CEP164: variants seen among roughly 807,000 people sequenced by gnomAD.
The protein encoded by CEP164 is centrosomal protein 164, also known as centrosomal protein of 164 kDa.
In CEP164, 162 loss-of-function variants were observed where a neutral mutation model predicts 182.7. That is an observed-to-expected ratio of 0.89 (90% CI 0.78 to 1.01). CEP164 has a LOEUF of 1.01. Ranked by LOEUF, CEP164 falls within the 50% of genes least tolerant of loss-of-function variation. The pLI is 0.00. For missense variants in CEP164, 1,735 were observed against 1,790.4 expected, an observed-to-expected ratio of 0.97 and a Z score of 0.56; for synonymous variants, 661 against 690.0, an observed-to-expected ratio of 0.96 and a Z score of 0.66.
intron 27 of CEP164, among the ~76,000 whole-genome samples, chr11:117,406,869 G>A (rs868415756): frequency 6.6e-6 from 1 of 152,254 alleles, no homozygotes; most frequent in South Asian, 2.1e-4. Flanking sequence ...GCCGGGGCGG[G>A]TGGATCACGA....
chr11:117,387,125 C>A, intron 14 of CEP164, 78 bp from the exon 15 acceptor site: 1 of 1,278,550 alleles, frequency 7.8e-7, no homozygotes. Context: ...CTGTGATGTT[C>A]CGTATCCATT....
intron 14 of CEP164, chr11:117,386,931 C>A: frequency 2.4e-6 from 1 of 418,694 alleles, no homozygotes; most frequent in Non-Finnish European, 4.3e-6. Context: ...AGATTTTGAT[C>A]TTGGGCCATA....
In CEP164 at chr11:117,395,597, C is replaced by T; in HGVS notation, c.2964C>T (p.Thr988=). 6.2e-7 allele frequency: 1 copy of T among 1,613,882 alleles called. No individual in the cohort carries two copies. The highest frequency in any genetic ancestry group is 8.5e-7 in the Non-Finnish European group (1 of 1,179,958). The change falls in exon 24 of 33, where the codon ACC becomes ACT. Residue 988 remains threonine, a synonymous_variant. Transcript: ENST00000278935. ...QQLEEAQKEH[T]HLLQSNQQLR... ...TGGAGGAGGCACAGAAGGAGCACAC[C>T]CACCTGTTGCAGTCAAACCAGCAGC...
At position 117,361,776 on chromosome 11, in the gene CEP164, C is replaced by T. The variant is rs2305825; in HGVS notation, c.394-59C>T. The T allele has an allele frequency of 0.2, 320,031 of 1,581,100 alleles. 33,570 individuals carry two copies. The highest frequency in any genetic ancestry group is 0.28 in the Admixed American group (16,906 of 59,638). On this transcript the variant is annotated intron_variant, in intron 5 of 32. Transcript: ENST00000278935. ...GATGTTTTATTTTTATATCTGTCTC[C>T]GACACTCCCAGAGCCACCTGGTTTC...
At chr11:117,395,425 C>A in intron 23 of CEP164, 122 bp from the exon 24 acceptor site, 1 of 1,174,210 alleles carries the variant, frequency 8.5e-7, no homozygotes, top group Non-Finnish European at 1.2e-6. Context: ...GTGGTGACTT[C>A]AGTGGCTCTG....
In CEP164 at chr11:117,329,782, C is replaced by T. The variant is rs543589272; in HGVS notation, c.-98+1878C>T. On this transcript the variant is annotated intron_variant, in intron 1 of 32. Coordinates refer to ENST00000278935, the MANE Select transcript of CEP164 (RefSeq NM_014956.5). ...GTCAGGATCTCCTGACCTCATTATC[C>T]GCCCACCTCCGCCTCCCAAAGTGCT... Among the ~76,000 whole-genome samples the T allele has an allele frequency of 5.1e-4, 78 of 151,524 alleles. 2 individuals are homozygous for T. The highest frequency in any genetic ancestry group is 1.7e-3 in the African/African-American group (69 of 41,280).
In CEP164 at chr11:117,391,087, A is replaced by T; in HGVS notation, c.2155A>T (p.Arg719Trp). The T allele has an allele frequency of 6.2e-7, 1 of 1,614,140 alleles. No homozygotes were observed. Among genetic ancestry groups the T allele is most frequent in the Non-Finnish European group, 8.5e-7 (1 of 1,180,038 alleles). Residue 719 changes from arginine (R) to tryptophan (W), a missense_variant, in exon 17 of 33, where the codon AGG (arginine) becomes TGG (tryptophan). Coordinates refer to ENST00000278935, the MANE Select transcript of CEP164 (RefSeq NM_014956.5). ...AERASLEQKN[R>W]QMLEQLKEEI... The stretch of plus-strand genomic sequence containing the variant: ...GAGGGCCAGCTTGGAACAGAAAAAT[A>T]GGCAAATGCTGGAGCAGCTCAAGGA...
At chr11:117,322,917 C>T (rs2035306275), upstream of CEP164, among the ~76,000 whole-genome samples, 1 of 151,978 alleles carries the variant, frequency 6.6e-6, no homozygotes, top group African/African-American at 2.4e-5. Flanking sequence ...AGGCTCACGC[C>T]ACCATGCCCA....
At chr11:117,387,551 A>G (rs1050130391) in intron 15 of CEP164, 139 bp downstream of exon 15, 15 of 744,070 alleles carry the variant, frequency 2.0e-5, no homozygotes, top group Non-Finnish European at 3.3e-5. Flanking sequence ...TTGACCCAAC[A>G]ATTTCTGCTT....
rs2047099545 is a variant in CEP164 at position 117,409,636 on chromosome 11, T to C, written c.3767T>C (p.Leu1256Pro). The C allele has an allele frequency of 6.2e-7, 1 of 1,608,308 alleles. No homozygotes were observed. Among genetic ancestry groups the C allele is most frequent in the African/African-American group, 1.3e-5 (1 of 74,746 alleles). Residue 1256 changes from leucine (L) to proline (P), a missense_variant, in exon 30 of 33, where the codon CTC (leucine) becomes CCC (proline). By Grantham distance (98) the Leu-to-Pro change is moderately conservative. Transcript: ENST00000278935. The surrounding 1 kb of genome is among the most constrained non-coding windows in gnomAD (Gnocchi z 4.4). ...CTTTCAGTCGACTCAACCCCGAGTC[T>C]CACCTCCCGCAAGATCCACGGGCTT... ...RQQRIDSTPSLTSRKIHGLSH... is the reference protein window; with the variant it reads ...RQQRIDSTPSPTSRKIHGLSH...
At chr11:117,322,757 ATTTTTTTTTTTTT>A (rs34284352) in intron 1 of CEP164, among the ~76,000 whole-genome samples, 1 of 47,732 alleles carries the variant, frequency 2.1e-5, no homozygotes, top group African/African-American at 1.2e-4. Context: ...ATATAGATAG[ATTTTTTTTTTTTT>A]TTTTTTTTTT....
intron 3 of CEP164, among the ~76,000 whole-genome samples, chr11:117,341,890 G>T (rs578228451): frequency 1.3e-5 from 2 of 152,140 alleles, no homozygotes; most frequent in African/African-American, 4.8e-5. Context: ...TGTCAACATT[G>T]CTGAGAGGCA....
At chr11:117,369,650 GA>G (rs1347479871) in intron 8 of CEP164, among the ~76,000 whole-genome samples, 1 of 152,088 alleles carries the variant, frequency 6.6e-6, no homozygotes, top group African/African-American at 2.4e-5. Flanking sequence ...AGGGAATCAG[GA>G]AGTCTTAAAA....
chr11:117,324,227 A>C (rs983281632), upstream of CEP164, among the ~76,000 whole-genome samples: 2 of 152,004 alleles, frequency 1.3e-5, no homozygotes, highest in Non-Finnish European at 2.9e-5. Flanking sequence ...CAGGCAGATC[A>C]CCTGAGGTCA....
At chr11:117,405,528 G>C (rs1398665447) in intron 27 of CEP164, among the ~76,000 whole-genome samples, 2 of 152,172 alleles carry the variant, frequency 1.3e-5, no homozygotes, top group African/African-American at 4.8e-5. Flanking sequence ...ACCTCAGTTA[G>C]AAATGCAGAA....
intron 11 of CEP164, among the ~76,000 whole-genome samples, chr11:117,378,044 T>G (rs1278895638): frequency 1.3e-5 from 2 of 151,846 alleles, no homozygotes; most frequent in Non-Finnish European, 2.9e-5. Flanking sequence ...TTTTTTTGTA[T>G]TTTTAGTAGA....
intron 8 of CEP164, 96 bp from the exon 9 acceptor site, chr11:117,370,984 G>A: frequency 7.7e-7 from 1 of 1,304,432 alleles, no homozygotes; most frequent in Admixed American, 2.3e-5. Context: ...CTGGCCTGTG[G>A]GAGTCAGGGA....
chr11:117,346,553 G>A (rs1480041396), intron 4 of CEP164, among the ~76,000 whole-genome samples: 3 of 141,850 alleles, frequency 2.1e-5, no homozygotes, highest in African/African-American at 7.5e-5. Context: ...CACCACGCCC[G>A]GCCTATTTTT....
At chr11:117,349,086 G>A (rs1019606788) in intron 4 of CEP164, among the ~76,000 whole-genome samples, 1 of 151,606 alleles carries the variant, frequency 6.6e-6, no homozygotes, top group Admixed American at 6.6e-5. Context: ...GCAGTGGTGC[G>A]ATCTTGGCTC....
Sources: gnomAD v4.1 joint callset for allele counts (sites outside exome capture counted in the v4.1 genomes callset) on GRCh38, gnomAD v4.1.1 for gene constraint, Gnocchi (gnomAD v3.1) non-coding constraint, MANE v1.5 for transcripts, NCBI Gene and HGNC (gene_info 2026-07-23, HGNC 2026-07-21) for gene names.